The following GLS variants were observed in gnomAD, a reference collection of about 807,000 sequenced individuals.
GLS encodes glutaminase kidney isoform, mitochondrial.
GLS carries 36 observed loss-of-function variants against 86.7 expected under a neutral mutation model. The ratio of observed to expected loss-of-function variants is 0.42; its 90% CI spans 0.32 to 0.55. The LOEUF (loss-of-function observed/expected upper bound fraction) is 0.55. GLS is among the 20% of genes least tolerant of loss of function. GLS has a pLI of 0.17. For missense variants in GLS, 528 were observed against 833.4 expected (o/e 0.63, Z 4.51); for synonymous variants, 317 against 305.9 (o/e 1.04, Z -0.38).
In GLS at chr2:190,921,100, A is replaced by G. The variant is rs751361711; in HGVS notation, c.1071+44A>G. 1.3e-6 allele frequency: 2 copies of G among 1,578,078 alleles called. No individual in the cohort carries two copies. Among genetic ancestry groups the G allele is most frequent in the Admixed American group, 1.7e-5 (1 of 59,872 alleles). On this transcript the variant is annotated intron_variant, in intron 8 of 17. Transcript: ENST00000320717. This position sits in a 1 kb window ranked among gnomAD's most constrained non-coding sequence, Gnocchi z 4.2. ...TCAGTTTTCATGCCACATTCTCTAT[A>G]TATTTGTTTTTTGATTACTAATATT... is the stretch of plus-strand genomic sequence containing the variant.
chr2:190,918,708 T>G (rs1689629147), intron 7 of GLS, among the ~76,000 whole-genome samples: 1 of 152,178 alleles, frequency 6.6e-6, no homozygotes, highest in South Asian at 2.1e-4. Context: ...TCAACATGCC[T>G]TTCTTACTAA....
At chr2:190,939,100 T>A (rs1690353933) in intron 14 of GLS, among the ~76,000 whole-genome samples, 1 of 151,660 alleles carries the variant, frequency 6.6e-6, no homozygotes, top group African/African-American at 2.4e-5. Context: ...GCATGTTAGC[T>A]CTTGGAAAAC....
chr2:190,946,105 A>C (rs1690571176), intron 14 of GLS, among the ~76,000 whole-genome samples: 2 of 152,274 alleles, frequency 1.3e-5, no homozygotes, highest in South Asian at 4.1e-4. Context: ...CACATCCTTA[A>C]AAATATTAAA....
chr2:190,962,625 C>T lies in GLS; in HGVS notation c.1854-205C>T, dbSNP rs551035700. Among the ~76,000 whole-genome samples, 1 of 152,314 alleles carries T rather than the reference C, an allele frequency of 6.6e-6. No individual in the cohort carries two copies. Among genetic ancestry groups the T allele is most frequent in the South Asian group, 2.1e-4 (1 of 4,818 alleles). On this transcript the variant is annotated intron_variant, in intron 17 of 17. Transcript: ENST00000320717. This position sits in a 1 kb window ranked among gnomAD's most constrained non-coding sequence, Gnocchi z 4.2. The stretch of plus-strand genomic sequence containing the variant: ...ATCCTTTCACAGATCTTTTTCTCTT[C>T]CTCTCCATATCCCAACTTGTCTTGG...
intron 14 of GLS, among the ~76,000 whole-genome samples, chr2:190,942,066 A>ATTTTTTTT (rs1160472609): frequency 2.4e-4 from 12 of 50,716 alleles, no homozygotes; most frequent in Non-Finnish European, 4.3e-4. Flanking sequence ...AACTTTGAAG[A>ATTTTTTTT]CTTTTTTTTT....
intron 14 of GLS, among the ~76,000 whole-genome samples, chr2:190,944,338 C>T (rs922044046): frequency 1.3e-5 from 2 of 152,014 alleles, no homozygotes; most frequent in Admixed American, 6.6e-5. Flanking sequence ...AAATGTGGAA[C>T]CTTGTCCTCT....
In GLS at chr2:190,962,676, C is replaced by G. The variant is rs1691031520; in HGVS notation, c.1854-154C>G. On this transcript the variant is annotated intron_variant, in intron 17 of 17. Coordinates refer to ENST00000320717, the MANE Select transcript of GLS (RefSeq NM_014905.5). The surrounding 1 kb of genome is among the most constrained non-coding windows in gnomAD (Gnocchi z 4.2). The stretch of plus-strand genomic sequence containing the variant: ...AGACTACTTTTTGAATTATAAATCC[C>G]TTTCTGCATTTCTATTATTAATTTT... Among the ~76,000 whole-genome samples, 1 of 152,118 alleles carries G rather than the reference C, an allele frequency of 6.6e-6. No homozygotes were observed. Among genetic ancestry groups the G allele is most frequent in the African/African-American group, 2.4e-5 (1 of 41,420 alleles).
At position 190,928,203 on chromosome 2, in the gene GLS, TAC is replaced by T. The variant is rs758816735; in HGVS notation, c.1425+723_1425+724del. Among the ~76,000 whole-genome samples, 19 of 152,086 alleles carry T rather than the reference TAC, an allele frequency of 1.2e-4. 1 individual carries two copies. Among genetic ancestry groups the T allele is most frequent in the African/African-American group, 3.6e-4 (15 of 41,446 alleles). On this transcript the variant is annotated intron_variant, in intron 12 of 17. Coordinates refer to ENST00000320717, the MANE Select transcript of GLS (RefSeq NM_014905.5). The stretch of plus-strand genomic sequence containing the variant: ...GATCCTTAACAAAACATAACAATAA[TAC>T]AGTTTTTACATATAAAAATTAAATA...
In GLS at chr2:190,936,048, T is replaced by TTGTTCA. The variant is rs554470444; in HGVS notation, c.1650+4414_1650+4415insTCATGT. On this transcript the variant is annotated intron_variant, in intron 14 of 17. Coordinates refer to ENST00000320717, the MANE Select transcript of GLS (RefSeq NM_014905.5). ...GGGAAATACTGTTGTTTACATGAATTTGTATTAATCTGTGGGATTTTTAAA... is the reference window on the plus strand; with the variant it reads ...GGGAAATACTGTTGTTTACATGAATTTGTTCATGTATTAATCTGTGGGATTTTTAAA... 7.3e-5 allele frequency among the ~76,000 whole-genome samples: 11 copies of TTGTTCA among 151,352 alleles called. No individual in the cohort carries two copies. In the East Asian group the frequency reaches 1.9e-3, roughly 27 times the overall value.
rs1689439077 is a variant in GLS at position 190,913,957 on chromosome 2, G to A, written c.1038+3636G>A. On this transcript the variant is annotated intron_variant, in intron 7 of 17. Coordinates refer to ENST00000320717, the MANE Select transcript of GLS (RefSeq NM_014905.5). This position sits in a 1 kb window ranked among gnomAD's most constrained non-coding sequence, Gnocchi z 6.1. ...TGAGACCACAGGCACAGGCTACCAT[G>A]CAGGGCTAATTCTTTATAAAGCTAG... The A allele has an allele frequency of 6.6e-6, 1 of 152,534 alleles. No homozygotes were observed. The highest frequency in any genetic ancestry group is 2.4e-5 in the African/African-American group (1 of 41,382). The allele number at this position is 152,534 out of a possible 1,614,324, so 9.4% of individuals were successfully genotyped here.
At chr2:190,911,855 T>G (rs1689372609) in intron 7 of GLS, among the ~76,000 whole-genome samples, 1 of 152,132 alleles carries the variant, frequency 6.6e-6, no homozygotes. Context: ...GGTCCTAGTT[T>G]AAGAACTTTT....
intron 14 of GLS, chr2:190,934,264 T>TA (rs1558988211): frequency 1.0e-6 from 1 of 955,372 alleles, no homozygotes; most frequent in Non-Finnish European, 1.2e-6. Flanking sequence ...GTATTTTAGA[T>TA]ACTAGTGCAA....
chr2:190,945,804 G>C (rs1690564263), intron 14 of GLS, among the ~76,000 whole-genome samples: 1 of 152,096 alleles, frequency 6.6e-6, no homozygotes, highest in African/African-American at 2.4e-5. Context: ...GTAAAACAGA[G>C]CTTCTTTCCT....
chr2:190,960,390 G>T (rs771938977), intron 17 of GLS, among the ~76,000 whole-genome samples: 61 of 141,356 alleles, frequency 4.3e-4, no homozygotes, highest in East Asian at 2.0e-4. Context: ...TTGAGACTGG[G>T]TCTTGCCTTG....
At position 190,963,048 on chromosome 2, in the gene GLS, A is replaced by T; in HGVS notation, c.*62A>T. On this transcript the variant is annotated 3_prime_UTR_variant, in exon 18 of 18. Transcript: ENST00000320717. The stretch of plus-strand genomic sequence containing the variant: ...TTAATTGTGGAAAATGATTATGAAG[A>T]ACATGTGTATTTCTATCTGGTAGTG... 1 of 1,200,280 alleles carries T rather than the reference A, an allele frequency of 8.3e-7. No individual in the cohort carries two copies. The highest frequency in any genetic ancestry group is 1.2e-6 in the Non-Finnish European group (1 of 845,122). 74.4% of individuals were successfully genotyped at this position (1,200,280 alleles called of 1,614,324 possible).
intron 14 of GLS, among the ~76,000 whole-genome samples, chr2:190,952,501 G>A (rs1366768133): frequency 6.6e-6 from 1 of 152,162 alleles, no homozygotes; most frequent in African/African-American, 2.4e-5. Context: ...TGATGAATTA[G>A]AGAACTGCAG....
At chr2:190,886,845 G>T (rs1688397838) in intron 1 of GLS, among the ~76,000 whole-genome samples, 3 of 151,384 alleles carry the variant, frequency 2.0e-5, no homozygotes, top group Admixed American at 2.0e-4. Flanking sequence ...GAACCCAGGA[G>T]GTGGAGGTTG....
intron 1 of GLS, among the ~76,000 whole-genome samples, chr2:190,893,475 C>G (rs557712457): frequency 6.6e-6 from 1 of 152,192 alleles, no homozygotes; most frequent in Non-Finnish European, 1.5e-5. Flanking sequence ...AGTAGTACCT[C>G]TGTCATAAAA....
intron 7 of GLS, among the ~76,000 whole-genome samples, chr2:190,916,426 C>T (rs901596665): frequency 6.6e-6 from 1 of 152,000 alleles, no homozygotes; most frequent in South Asian, 2.1e-4. Context: ...GGTTTACTCT[C>T]TTTTGTATAT....
Sources: allele counts gnomAD v4.1 joint callset (sites outside exome capture counted in the v4.1 genomes callset), GRCh38; gene constraint gnomAD v4.1.1; non-coding constraint Gnocchi (gnomAD v3.1); transcripts MANE v1.5; gene names NCBI Gene and HGNC (gene_info 2026-07-23, HGNC 2026-07-21).